ZBTB7C: variants seen among roughly 807,000 people sequenced by gnomAD.
The protein encoded by ZBTB7C is zinc finger and BTB domain containing 7C, also known as zinc finger and BTB domain-containing protein 7C.
ZBTB7C carries 8 observed loss-of-function variants against 25.7 expected under a neutral mutation model. That is an observed-to-expected ratio of 0.31 (90% CI 0.18 to 0.56). The LOEUF (loss-of-function observed/expected upper bound fraction) is 0.56, where lower values mean the gene tolerates loss of function less well. ZBTB7C is among the 20% of genes least tolerant of loss of function. ZBTB7C has a pLI of 0.91. For missense variants in ZBTB7C, 824 were observed against 855.2 expected, an observed-to-expected ratio of 0.96 and a Z score of 0.46; for synonymous variants, 394 against 369.0, an observed-to-expected ratio of 1.07 and a Z score of -0.78.
In ZBTB7C at chr18:48,378,588, C is replaced by T. The variant is rs2047572467; in HGVS notation, c.-304+30638G>A. On this transcript the variant is annotated intron_variant, in intron 1 of 4. Coordinates refer to ENST00000590800, the MANE Select transcript of ZBTB7C (RefSeq NM_001318841.2). ...GCACTCGGAGATTTTTAAATATATGCAGATAAACAAGAATAACTGGATGAC... is the reference window on the plus strand; with the variant it reads ...GCACTCGGAGATTTTTAAATATATGTAGATAAACAAGAATAACTGGATGAC... 2.0e-5 allele frequency among the ~76,000 whole-genome samples: 3 copies of T among 152,078 alleles called. No individual in the cohort carries two copies. The South Asian group carries it at 6.2e-4, about 32-fold the overall frequency.
chr18:48,245,090 G>GTATATATATA lies in ZBTB7C; in HGVS notation c.-78-59096_-78-59095insTATATATATA, dbSNP rs138848813. ...GTGGAAAAAAAAGTAGTGTGTGTGTGTGTATATATATATACACACACACAC... is the reference window on the plus strand; with the variant it reads ...GTGGAAAAAAAAGTAGTGTGTGTGTGTATATATATATGTATATATATATACACACACACAC... On this transcript the variant is annotated intron_variant, in intron 2 of 4. Coordinates refer to ENST00000590800, the MANE Select transcript of ZBTB7C (RefSeq NM_001318841.2). Among the ~76,000 whole-genome samples, 228 of 110,242 alleles carry GTATATATATA rather than the reference G, an allele frequency of 2.1e-3. 4 individuals carry two copies. In the Middle Eastern group the frequency reaches 0.026, roughly 13 times the overall value. 72.3% of individuals were successfully genotyped at this position (110,242 alleles called of 152,430 possible). A position where few individuals can be genotyped will look rare whatever the true frequency, so the allele number is the denominator to read the frequency against.
At chr18:48,272,055 A>G (rs55941201) in intron 2 of ZBTB7C, among the ~76,000 whole-genome samples, 71,460 of 152,020 alleles carry the variant, frequency 0.47, 17,137 homozygotes, top group African/African-American at 0.57. Flanking sequence ...GATGCACCTC[A>G]TGATGGTTAA....
At chr18:48,044,573 A>C (rs2036393157) in intron 3 of ZBTB7C, among the ~76,000 whole-genome samples, 2 of 152,248 alleles carry the variant, frequency 1.3e-5, no homozygotes, top group Non-Finnish European at 2.9e-5. Context: ...GGGAGGCCTC[A>C]AGTCTGAGCC....
At chr18:48,291,846 T>C (rs1207054858) in intron 2 of ZBTB7C, among the ~76,000 whole-genome samples, 4 of 152,096 alleles carry the variant, frequency 2.6e-5, no homozygotes, top group Non-Finnish European at 4.4e-5. Flanking sequence ...ACTCATAACA[T>C]GTAGAACACC....
At chr18:48,410,314 C>G (rs2048369461), upstream of ZBTB7C, among the ~76,000 whole-genome samples, 1 of 152,128 alleles carries the variant, frequency 6.6e-6, no homozygotes, top group Non-Finnish European at 1.5e-5. Flanking sequence ...GCCTTGGGCC[C>G]CGCACTCCGC....
At chr18:48,320,552 G>GTGAGAAGC (rs1468924532) in intron 2 of ZBTB7C, among the ~76,000 whole-genome samples, 1 of 152,216 alleles carries the variant, frequency 6.6e-6, no homozygotes, top group Non-Finnish European at 1.5e-5. Context: ...AGTGGAAGAG[G>GTGAGAAGC]TGAGAAGCGG....
intron 2 of ZBTB7C, among the ~76,000 whole-genome samples, chr18:48,309,211 G>A (rs942601250): frequency 2.0e-5 from 3 of 152,162 alleles, no homozygotes; most frequent in Admixed American, 6.5e-5. Flanking sequence ...GAGGCTTCCC[G>A]GAGACCACTA....
chr18:48,246,544 T>C (rs149613134), intron 2 of ZBTB7C, among the ~76,000 whole-genome samples: 1,859 of 152,136 alleles, frequency 0.012, 35 homozygotes, highest in African/African-American at 0.037. Context: ...AAACACACTT[T>C]TTTTCTAAGA....
chr18:48,278,148 G>A (rs951970397), intron 2 of ZBTB7C, among the ~76,000 whole-genome samples: 2 of 152,310 alleles, frequency 1.3e-5, no homozygotes, highest in African/African-American at 4.8e-5. Flanking sequence ...TGACCTTCTG[G>A]GCTTGACGTG....
intron 1 of ZBTB7C, among the ~76,000 whole-genome samples, chr18:48,338,918 G>C (rs961246712): frequency 3.9e-5 from 6 of 151,926 alleles, no homozygotes; most frequent in African/African-American, 7.2e-5. Flanking sequence ...TGTTGGGGGG[G>C]GGGGGTCCAG....
intron 2 of ZBTB7C, among the ~76,000 whole-genome samples, chr18:48,327,092 G>A (rs2046236942): frequency 6.6e-6 from 1 of 152,134 alleles, no homozygotes; most frequent in African/African-American, 2.4e-5. Flanking sequence ...AGGGAACAGA[G>A]CACAGAGAAA....
At chr18:48,334,497 G>T (rs2046416608) in intron 2 of ZBTB7C, among the ~76,000 whole-genome samples, 1 of 152,162 alleles carries the variant, frequency 6.6e-6, no homozygotes. Context: ...AGGGAACTAA[G>T]AGTCTCAATA....
At chr18:48,227,840 C>T (rs2043144367) in intron 2 of ZBTB7C, among the ~76,000 whole-genome samples, 1 of 152,146 alleles carries the variant, frequency 6.6e-6, no homozygotes, top group African/African-American at 2.4e-5. Context: ...TGGAGGGTCC[C>T]CTTGTCCTCT....
chr18:48,128,401 T>A (rs1568240360), intron 3 of ZBTB7C, among the ~76,000 whole-genome samples: 1 of 152,208 alleles, frequency 6.6e-6, no homozygotes, highest in Non-Finnish European at 1.5e-5. Flanking sequence ...CTGAGTCCCA[T>A]CATTAGAAAT....
In ZBTB7C at chr18:48,029,796, G is replaced by A. The variant is rs1391985084; in HGVS notation, c.1324C>T (p.His442Tyr). ...NYDLKNHMRI[H>Y]TGVRPYQCEF... ...CACTGGTAGGGCCGCACGCCCGTGT[G>A]GATGCGCATGTGGTTCTTGAGGTCG... The change falls in exon 5 of 5, where the codon CAC becomes TAC. Residue 442 changes from histidine to tyrosine, a missense_variant. Transcript: ENST00000590800. The A allele has an allele frequency of 6.2e-7, 1 of 1,608,790 alleles. No individual in the cohort carries two copies. The highest frequency in any genetic ancestry group is 8.5e-7 in the Non-Finnish European group (1 of 1,180,000).
At chr18:48,089,124 T>C (rs2038308202) in intron 3 of ZBTB7C, among the ~76,000 whole-genome samples, 1 of 152,136 alleles carries the variant, frequency 6.6e-6, no homozygotes, top group Non-Finnish European at 1.5e-5. Flanking sequence ...ATTAGAATAA[T>C]CTGAATTGCT....
intron 3 of ZBTB7C, among the ~76,000 whole-genome samples, chr18:48,073,654 C>T (rs2037641868): frequency 1.3e-5 from 2 of 152,040 alleles, no homozygotes; most frequent in Non-Finnish European, 2.9e-5. Context: ...CCCCTGCCCT[C>T]CCTCTCCCCC....
At chr18:48,144,261 A>G (rs1018027557) in intron 3 of ZBTB7C, among the ~76,000 whole-genome samples, 1 of 151,432 alleles carries the variant, frequency 6.6e-6, no homozygotes, top group African/African-American at 2.4e-5. Flanking sequence ...CCTGGGCGAC[A>G]GAGCAAGACA....
intron 3 of ZBTB7C, among the ~76,000 whole-genome samples, chr18:48,181,042 C>T (rs980131937): frequency 6.6e-6 from 1 of 152,158 alleles, no homozygotes; most frequent in African/African-American, 2.4e-5. Flanking sequence ...GTTTCCAATG[C>T]ATAGGATTGT....
Sources: allele counts gnomAD v4.1 joint callset (sites outside exome capture counted in the v4.1 genomes callset), GRCh38; gene constraint gnomAD v4.1.1; transcripts MANE v1.5; gene names NCBI Gene and HGNC (gene_info 2026-07-23, HGNC 2026-07-21).